Variants in LRGUK observed in about 807,000 individuals in gnomAD.
LRGUK encodes leucine rich repeats and guanylate kinase domain containing, also known as leucine-rich repeat and guanylate kinase domain-containing protein.
Under a neutral mutation model 76.0 loss-of-function variants are expected in LRGUK, and 65 were observed. The observed-to-expected ratio is 0.85, with a 90% CI of 0.70 to 1.05. The LOEUF (loss-of-function observed/expected upper bound fraction) is 1.05, where lower values mean the gene tolerates loss of function less well. LRGUK is among the 50% of genes least tolerant of loss of function. LRGUK has a pLI of 0.00. For synonymous variants in LRGUK, 268 were observed against 265.6 expected, an observed-to-expected ratio of 1.01 and a Z score of -0.09; for missense variants, 758 against 732.8, an observed-to-expected ratio of 1.03 and a Z score of -0.40.
chr7:134,205,698 T>A (rs1800975956), intron 15 of LRGUK, among the ~76,000 whole-genome samples: 1 of 152,234 alleles, frequency 6.6e-6, no homozygotes, highest in Non-Finnish European at 1.5e-5. Flanking sequence ...TGGTTTTCTA[T>A]TCTAAATCTA....
At chr7:134,210,836 C>T (rs1396342059), downstream of LRGUK, among the ~76,000 whole-genome samples, 2 of 152,266 alleles carry the variant, frequency 1.3e-5, no homozygotes, top group African/African-American at 2.4e-5. Context: ...CAAAGAGAAG[C>T]GAACCTGAAA....
intron 1 of LRGUK, among the ~76,000 whole-genome samples, chr7:134,129,330 C>T (rs1385204888): frequency 1.8e-5 from 2 of 111,250 alleles, no homozygotes; most frequent in African/African-American, 7.2e-5. Context: ...TCTTCCCTCC[C>T]TCCCTTCCTC....
At chr7:134,230,312 A>G (rs2117172234) in intron 16 of LRGUK, among the ~76,000 whole-genome samples, 1 of 152,320 alleles carries the variant, frequency 6.6e-6, no homozygotes, top group African/African-American at 2.4e-5. Flanking sequence ...ATGAGATACT[A>G]CTATGCATAA....
At chr7:134,216,439 G>T (rs1002040135) in intron 15 of LRGUK, among the ~76,000 whole-genome samples, 8 of 152,124 alleles carry the variant, frequency 5.3e-5, no homozygotes, top group African/African-American at 1.9e-4. Context: ...AAAATCAAGA[G>T]GTTCTTCTAT....
At chr7:134,216,589 A>C (rs902787882) in intron 15 of LRGUK, among the ~76,000 whole-genome samples, 1 of 152,138 alleles carries the variant, frequency 6.6e-6, no homozygotes, top group African/African-American at 2.4e-5. Flanking sequence ...AATAAATGCT[A>C]TCTGTTATTT....
chr7:134,210,420 A>G (rs1284517258), downstream of LRGUK, among the ~76,000 whole-genome samples: 1 of 151,986 alleles, frequency 6.6e-6, no homozygotes, highest in African/African-American at 2.4e-5. Flanking sequence ...ACCCATACCA[A>G]CCTCCCCACA....
At chr7:134,188,029 CAT>C (rs1429974289) in intron 11 of LRGUK, among the ~76,000 whole-genome samples, 1 of 152,182 alleles carries the variant, frequency 6.6e-6, no homozygotes, top group Non-Finnish European at 1.5e-5. Context: ...TGTTTATACA[CAT>C]GTGACAAATT....
intron 19 of LRGUK, among the ~76,000 whole-genome samples, chr7:134,259,734 T>C (rs1802671207): frequency 6.6e-6 from 1 of 152,122 alleles, no homozygotes; most frequent in Non-Finnish European, 1.5e-5. Context: ...CTCCAGGAAG[T>C]AATTCCAAAT....
At position 134,219,855 on chromosome 7, in the gene LRGUK, T is replaced by C. The variant is rs187030020; in HGVS notation, c.1844-1924T>C. On this transcript the variant is annotated intron_variant, in intron 15 of 19. Coordinates refer to the LRGUK transcript ENST00000285928. ...GATGCTTGAATGCTGTTCTTCTTTA[T>C]GCCTTTTAATATTTGTTCAAGATGT... is the stretch of plus-strand genomic sequence containing the variant. Among the ~76,000 whole-genome samples, 168 of 152,298 alleles carry C rather than the reference T, an allele frequency of 1.1e-3. 1 individual carries two copies. Among genetic ancestry groups the C allele is most frequent in the African/African-American group, 3.8e-3 (160 of 41,562 alleles).
At chr7:134,146,521 C>A (rs552128224) in intron 4 of LRGUK, among the ~76,000 whole-genome samples, 1 of 152,148 alleles carries the variant, frequency 6.6e-6, no homozygotes, top group African/African-American at 2.4e-5. Flanking sequence ...TCATAGTATG[C>A]ATTTTCCATA....
At chr7:134,212,889 A>G (rs971177301), downstream of LRGUK, among the ~76,000 whole-genome samples, 1 of 152,200 alleles carries the variant, frequency 6.6e-6, no homozygotes, top group Admixed American at 6.5e-5. Context: ...TTTACATCCT[A>G]CAGACAGGAA....
the LRGUK span, among the ~76,000 whole-genome samples, chr7:134,273,999 T>C: frequency 2.0e-5 from 3 of 152,212 alleles, no homozygotes; most frequent in Non-Finnish European, 4.4e-5. Flanking sequence ...TATTTTCCTA[T>C]GTAGTGTTTG....
chr7:134,183,740 T>A, exon 11 of LRGUK: 1 of 1,613,952 alleles, frequency 6.2e-7, no homozygotes, highest in Non-Finnish European at 8.5e-7. Flanking sequence ...GTAGCACTCT[T>A]CCCAGCCTGG....
chr7:134,178,630 G>A (rs1799591145), intron 10 of LRGUK, 21 bp downstream of exon 10: 17 of 1,595,428 alleles, frequency 1.1e-5, no homozygotes, highest in Non-Finnish European at 1.5e-5. Flanking sequence ...GAAATCCAAA[G>A]GCCGGAATTC....
At chr7:134,144,038 C>T (rs1797874436) in intron 4 of LRGUK, among the ~76,000 whole-genome samples, 4 of 152,224 alleles carry the variant, frequency 2.6e-5, no homozygotes, top group African/African-American at 9.6e-5. Flanking sequence ...AATCCCACTG[C>T]AAGAGATTCT....
chr7:134,215,283 C>G (rs972273911), intron 15 of LRGUK, among the ~76,000 whole-genome samples: 1 of 151,560 alleles, frequency 6.6e-6, no homozygotes, highest in African/African-American at 2.4e-5. Context: ...TTTTCTATGG[C>G]GCTGAATTTC....
At chr7:134,168,672 A>AG (rs1243342253) in intron 7 of LRGUK, among the ~76,000 whole-genome samples, 2 of 152,130 alleles carry the variant, frequency 1.3e-5, no homozygotes, top group African/African-American at 4.8e-5. Flanking sequence ...AAGAATTACT[A>AG]GGGCAGATTG....
intron 5 of LRGUK, among the ~76,000 whole-genome samples, chr7:134,156,537 C>A (rs1310343587): frequency 6.6e-6 from 1 of 151,862 alleles, no homozygotes; most frequent in African/African-American, 2.4e-5. Context: ...TAGAAAGGAG[C>A]AAGAAAAAGA....
rs764184635 is a variant in LRGUK at position 134,148,914 on chromosome 7, C to CA, written c.670+609dup. 4.2e-3 allele frequency among the ~76,000 whole-genome samples: 546 copies of CA among 129,306 alleles called. 2 individuals carry two copies. Among genetic ancestry groups the CA allele is most frequent in the Middle Eastern group, 0.013 (3 of 230 alleles). 84.8% of individuals were successfully genotyped at this position (129,306 alleles called of 152,430 possible). On this transcript the variant is annotated intron_variant, in intron 5 of 15. Transcript: ENST00000645682. ...TGGGTAACAGAGTGAGACTCTGTCT[C>CA]AAAAAAAAAAAAAATTAACTCCTTT...
Sources: gnomAD v4.1 joint callset for allele counts (sites outside exome capture counted in the v4.1 genomes callset) on GRCh38, gnomAD v4.1.1 for gene constraint, MANE v1.5 for transcripts, NCBI Gene and HGNC (gene_info 2026-07-23, HGNC 2026-07-21) for gene names.